Variants in PPM1H observed in about 807,000 individuals in gnomAD.
PPM1H encodes the protein protein phosphatase 1H.
In PPM1H, 27 loss-of-function variants were observed where a neutral mutation model predicts 54.9. That is an observed-to-expected ratio of 0.49 (90% CI 0.36 to 0.68). The LOEUF is 0.68. Among genes scored for constraint, PPM1H ranks in the 30% least tolerant of loss-of-function variants. The pLI is 0.00. For synonymous variants in PPM1H, 305 were observed against 270.8 expected, an observed-to-expected ratio of 1.13 and a Z score of -1.24; for missense variants, 596 against 667.8, an observed-to-expected ratio of 0.89 and a Z score of 1.19.
At chr12:62,917,498 A>G (rs1038561043) in intron 1 of PPM1H, among the ~76,000 whole-genome samples, 1 of 152,318 alleles carries the variant, frequency 6.6e-6, no homozygotes, top group African/African-American at 2.4e-5. Context: ...TAACAGAACC[A>G]TGTCTCAAAA....
chr12:62,830,849 A>ATTCTT (rs1868346453), intron 2 of PPM1H, among the ~76,000 whole-genome samples: 1 of 151,976 alleles, frequency 6.6e-6, no homozygotes, highest in African/African-American at 2.4e-5. Context: ...ATGAAACACT[A>ATTCTT]TTTCTTTTTC....
At chr12:62,778,479 T>C (rs2076623718) in intron 4 of PPM1H, among the ~76,000 whole-genome samples, 1 of 152,162 alleles carries the variant, frequency 6.6e-6, no homozygotes, top group Non-Finnish European at 1.5e-5. Flanking sequence ...CCCTTCTGTC[T>C]CACTGGATGG....
In PPM1H at chr12:62,859,892, G is replaced by A. The variant is rs118068075; in HGVS notation, c.246-27613C>T. Among the ~76,000 whole-genome samples the A allele has an allele frequency of 6.8e-4, 104 of 152,260 alleles. 1 individual carries two copies. In the East Asian group the frequency reaches 0.019, roughly 28 times the overall value. ...CTTAAGAGACATTCAAGAGTTAGAA[G>A]CACAGAATTAAAAAGGAATACAGCA... On this transcript the variant is annotated intron_variant, in intron 1 of 9. Coordinates refer to ENST00000228705, the MANE Select transcript of PPM1H (RefSeq NM_020700.2).
chr12:62,803,811 G>A (rs965191501), intron 2 of PPM1H, among the ~76,000 whole-genome samples: 1 of 152,172 alleles, frequency 6.6e-6, no homozygotes, highest in African/African-American at 2.4e-5. Flanking sequence ...TGTGTGATAA[G>A]GGGTTAATTT....
Position 62,737,524 on chromosome 12 carries a change from T to C in PPM1H, c.932A>G (p.Glu311Gly). The change falls in exon 5 of 10, where the codon GAG becomes GGG. Residue 311 changes from glutamate (E) to glycine (G), a missense_variant. By Grantham distance (98) the Glu-to-Gly change is moderately conservative (BLOSUM62 -2). Transcript: ENST00000228705. ...TACCAGGTACTGAAGTCGCTGGCGCTCCGTCTCGGGGGTAAATTCTGAAGA... is the reference window on the plus strand; with the variant it reads ...TACCAGGTACTGAAGTCGCTGGCGCCCCGTCTCGGGGGTAAATTCTGAAGA... ...PMSSEFTPET[E>G]RQRLQYLAFM... is the part of the protein sequence containing the mutation. 6.3e-7 allele frequency: 1 copy of C among 1,583,938 alleles called. No individual in the cohort carries two copies. The highest frequency in any genetic ancestry group is 8.6e-7 in the Non-Finnish European group (1 of 1,163,704).
intron 4 of PPM1H, among the ~76,000 whole-genome samples, chr12:62,759,059 A>C (rs1293963498): frequency 6.6e-6 from 1 of 152,198 alleles, no homozygotes; most frequent in Non-Finnish European, 1.5e-5. Context: ...TGCCTATCCC[A>C]AAACCTTTAA....
At chr12:62,680,210 C>T (rs528875446) in intron 8 of PPM1H, among the ~76,000 whole-genome samples, 9 of 152,044 alleles carry the variant, frequency 5.9e-5, no homozygotes, top group Non-Finnish European at 1.2e-4. Context: ...TTCTCCTTTT[C>T]TCTCTTTCTC....
rs928718559 is a variant in PPM1H, at chr12:62,934,808, A to G, written c.-72T>C. On this transcript the variant is annotated 5_prime_UTR_variant, in exon 1 of 10. It removes an upstream start codon present in the reference 5' UTR. Coordinates refer to ENST00000228705, the MANE Select transcript of PPM1H (RefSeq NM_020700.2). This position sits in a 1 kb window ranked among gnomAD's most constrained non-coding sequence, Gnocchi z 4.2. ...GGCCGGGCAAGGCGCAGCGCGGGGC[A>G]TGCAGGCTGCGGTGGGCGCCGGGCG... 3 of 1,314,460 alleles carry G rather than the reference A, an allele frequency of 2.3e-6. No individual in the cohort carries two copies. In the African/African-American group the frequency reaches 4.6e-5, roughly 20 times the overall value. 81.4% of individuals were successfully genotyped at this position (1,314,460 alleles called of 1,614,324 possible).
intron 2 of PPM1H, among the ~76,000 whole-genome samples, chr12:62,814,862 T>C (rs555676802): frequency 2.6e-5 from 4 of 152,340 alleles, no homozygotes; most frequent in Admixed American, 6.5e-5. Context: ...AGAGTTGCCA[T>C]ATTTTTCTGT....
intron 2 of PPM1H, among the ~76,000 whole-genome samples, chr12:62,822,193 CAAG>C (rs1054669760): frequency 3.9e-4 from 59 of 152,274 alleles, no homozygotes; most frequent in African/African-American, 1.3e-3. Flanking sequence ...ATCAATTCAA[CAAG>C]AAGAGCTAAC....
At chr12:62,741,809 C>T (rs868260997) in intron 4 of PPM1H, among the ~76,000 whole-genome samples, 8 of 152,266 alleles carry the variant, frequency 5.3e-5, no homozygotes, top group Middle Eastern at 3.4e-3. Context: ...CAATTGCTTG[C>T]TGATGGATAA....
intron 4 of PPM1H, among the ~76,000 whole-genome samples, chr12:62,757,866 T>G (rs1048825601): frequency 5.3e-5 from 8 of 152,212 alleles, no homozygotes; most frequent in Admixed American, 5.2e-4. Context: ...TTATTCCCAT[T>G]GGCTGGTCTC....
At chr12:62,891,256 T>C (rs569738220) in intron 1 of PPM1H, among the ~76,000 whole-genome samples, 5 of 152,274 alleles carry the variant, frequency 3.3e-5, no homozygotes, top group East Asian at 1.9e-4. Context: ...CATACCTATA[T>C]GGGAAACTCC....
chr12:62,717,519 G>T (rs1386885987), intron 6 of PPM1H, among the ~76,000 whole-genome samples: 2 of 152,030 alleles, frequency 1.3e-5, no homozygotes, highest in African/African-American at 4.8e-5. Flanking sequence ...AAGTGTGCAC[G>T]CAAGAGTGAA....
At chr12:62,788,945 C>T (rs560295801) in intron 3 of PPM1H, among the ~76,000 whole-genome samples, 3 of 152,240 alleles carry the variant, frequency 2.0e-5, no homozygotes, top group South Asian at 2.1e-4. Flanking sequence ...AGGCTGGTCT[C>T]GAACTCCTGT....
chr12:62,777,838 CT>C (rs2076620238), intron 4 of PPM1H, among the ~76,000 whole-genome samples: 1 of 152,220 alleles, frequency 6.6e-6, no homozygotes, highest in African/African-American at 2.4e-5. Context: ...TGTAATCTTT[CT>C]CCTTTAGCAA....
rs370094070 is a variant in PPM1H, at chr12:62,646,277, G to C, written c.*2212C>G. ...ACGTGCCATAGCAGTAAATGAATTG[G>C]TGAATTGAGTAGAAGGTAGTTGTGA... is the stretch of plus-strand genomic sequence containing the variant. On this transcript the variant is annotated 3_prime_UTR_variant, in exon 10 of 10. Coordinates refer to ENST00000228705, the MANE Select transcript of PPM1H (RefSeq NM_020700.2). The C allele has an allele frequency of 1.3e-5, 2 of 151,546 alleles. No homozygotes were observed. Among genetic ancestry groups the C allele is most frequent in the African/African-American group, 4.9e-5 (2 of 41,170 alleles). 9.4% of individuals were successfully genotyped at this position (151,546 alleles called of 1,614,324 possible). A position where few individuals can be genotyped will look rare whatever the true frequency, so the allele number is the denominator to read the frequency against.
In PPM1H at chr12:62,667,456, G is replaced by A. The variant is rs563072183; in HGVS notation, c.1246-127C>T. The A allele has an allele frequency of 2.1e-4, 177 of 837,108 alleles. 2 individuals are homozygous for A. In the South Asian group the frequency reaches 2.3e-3, roughly 11 times the overall value. 51.9% of individuals were successfully genotyped at this position (837,108 alleles called of 1,614,324 possible). A position where few individuals can be genotyped will look rare whatever the true frequency, so the allele number is the denominator to read the frequency against. On this transcript the variant is annotated intron_variant, in intron 8 of 9. Transcript: ENST00000228705. ...GTGGTTTTCAGATATGCATTGTAGGGTACTTGATTATACAGCGAGCTGTGT... is the reference window on the plus strand; with the variant it reads ...GTGGTTTTCAGATATGCATTGTAGGATACTTGATTATACAGCGAGCTGTGT...
chr12:62,691,560 A>C (rs1175671853), intron 7 of PPM1H, among the ~76,000 whole-genome samples: 2 of 152,050 alleles, frequency 1.3e-5, no homozygotes, highest in Non-Finnish European at 2.9e-5. Flanking sequence ...ACAGTAGCTC[A>C]CATGTGTAAT....
Sources: gnomAD v4.1 joint callset for allele counts (sites outside exome capture counted in the v4.1 genomes callset) on GRCh38, gnomAD v4.1.1 for gene constraint, Gnocchi (gnomAD v3.1) non-coding constraint, MANE v1.5 for transcripts, NCBI Gene and HGNC (gene_info 2026-07-23, HGNC 2026-07-21) for gene names.